Variants in RB1 observed in about 807,000 individuals in gnomAD.
RB1 encodes retinoblastoma-associated protein.
RB1 carries 18 observed loss-of-function variants against 135.4 expected under a neutral mutation model. The observed-to-expected ratio is 0.13, with a 90% CI of 0.09 to 0.20. The LOEUF is 0.20. Among genes scored for constraint, RB1 ranks in the 10% least tolerant of loss-of-function variants. RB1 has a pLI of 1.00. For missense variants in RB1, 868 were observed against 1,110.0 expected, an observed-to-expected ratio of 0.78 and a Z score of 3.10; for synonymous variants, 365 against 373.2, an observed-to-expected ratio of 0.98 and a Z score of 0.25.
intron 17 of RB1, among the ~76,000 whole-genome samples, chr13:48,390,404 G>A (rs1948601738): frequency 6.6e-6 from 1 of 152,146 alleles, no homozygotes; most frequent in Admixed American, 6.5e-5. Context: ...GGGAGTGCAT[G>A]AGGATCCTGG....
intron 11 of RB1, among the ~76,000 whole-genome samples, chr13:48,371,264 G>T (rs1184806199): frequency 6.6e-6 from 1 of 152,144 alleles, no homozygotes; most frequent in Non-Finnish European, 1.5e-5. Context: ...TAGTCAGTGG[G>T]GGGATAGACT....
At chr13:48,369,383 G>A (rs1439926616) in intron 11 of RB1, among the ~76,000 whole-genome samples, 1 of 152,112 alleles carries the variant, frequency 6.6e-6, no homozygotes, top group African/African-American at 2.4e-5. Flanking sequence ...CCTACTACCT[G>A]ATCTTGCTCC....
At position 48,480,083 on chromosome 13, in the gene RB1, C is replaced by T; in HGVS notation, c.*12C>T. The T allele has an allele frequency of 6.3e-7, 1 of 1,597,894 alleles. No homozygotes were observed. The highest frequency in any genetic ancestry group is 8.6e-7 in the Non-Finnish European group (1 of 1,165,974). On this transcript the variant is annotated 3_prime_UTR_variant, in exon 27 of 27. Transcript: ENST00000267163. ...AGGAAGAGAAATGAGGATCTCAGGA[C>T]CTTGGTGGACACTGTGTACACCTCT... is the stretch of plus-strand genomic sequence containing the variant.
intron 12 of RB1, 102 bp downstream of exon 12, chr13:48,373,594 C>G: frequency 1.4e-6 from 1 of 738,546 alleles, no homozygotes; most frequent in East Asian, 2.5e-5. Flanking sequence ...AATCTCCTAT[C>G]TAACATGTAG....
chr13:48,371,266 G>T (rs1952755528), intron 11 of RB1, among the ~76,000 whole-genome samples: 1 of 152,060 alleles, frequency 6.6e-6, no homozygotes, highest in Non-Finnish European at 1.5e-5. Flanking sequence ...GTCAGTGGGG[G>T]GATAGACTGA....
At chr13:48,365,283 T>C (rs1952683622) in intron 9 of RB1, among the ~76,000 whole-genome samples, 1 of 152,218 alleles carries the variant, frequency 6.6e-6, no homozygotes. Context: ...AATAGCTAAA[T>C]ATAAACCATT....
chr13:48,363,455 A>C lies in RB1; in HGVS notation c.861+498A>C, dbSNP rs562169963. On this transcript the variant is annotated intron_variant, in intron 8 of 26. Coordinates refer to ENST00000267163, the MANE Select transcript of RB1 (RefSeq NM_000321.3). Reference sequence around the variant, plus strand: ...GCCTGTAGTCCCAGCTACTTGGAAGACTGAGGCAAAAGGATTGCTTGAGCC... The same window carrying C: ...GCCTGTAGTCCCAGCTACTTGGAAGCCTGAGGCAAAAGGATTGCTTGAGCC... 2.6e-5 allele frequency among the ~76,000 whole-genome samples: 4 copies of C among 152,244 alleles called. No individual in the cohort carries two copies. In the South Asian group the frequency reaches 8.3e-4, roughly 32 times the overall value.
intron 17 of RB1, among the ~76,000 whole-genome samples, chr13:48,413,850 C>T (rs1178588525): frequency 1.3e-5 from 2 of 151,988 alleles, no homozygotes; most frequent in South Asian, 2.1e-4. Flanking sequence ...ATTTTTTTAA[C>T]CTTAAATTGA....
chr13:48,460,045 C>T (rs1949395365), intron 20 of RB1, among the ~76,000 whole-genome samples: 1 of 150,304 alleles, frequency 6.7e-6, no homozygotes, highest in African/African-American at 2.5e-5. Flanking sequence ...TCTCGGCTCA[C>T]TGCAACCTCC....
At chr13:48,308,879 C>A (rs2854356) in intron 2 of RB1, among the ~76,000 whole-genome samples, 141,638 of 152,178 alleles carry the variant, frequency 0.93, 66,376 homozygotes, top group East Asian at 1. Flanking sequence ...GTATAGTTAC[C>A]TGTAGTTACA....
At chr13:48,416,819 G>A (rs1346111703) in intron 17 of RB1, among the ~76,000 whole-genome samples, 1 of 152,174 alleles carries the variant, frequency 6.6e-6, no homozygotes, top group African/African-American at 2.4e-5. Context: ...AAAGCCACCG[G>A]GAAGTTTGAA....
chr13:48,319,815 G>A lies in RB1; in HGVS notation c.264+12409G>A. 3.2e-6 allele frequency: 1 copy of A among 309,852 alleles called. No homozygotes were observed. The highest frequency in any genetic ancestry group is 4.1e-5 in the South Asian group (1 of 24,352). 19.2% of individuals were successfully genotyped at this position (309,852 alleles called of 1,614,324 possible). ...GAAGCTGTTCTATTTCCGCCTTAAT[G>A]CTCTGCTCGAAGGAGTCGTTGCTGC... On this transcript the variant is annotated intron_variant, in intron 2 of 26. Coordinates refer to ENST00000267163, the MANE Select transcript of RB1 (RefSeq NM_000321.3). This position sits in a 1 kb window ranked among gnomAD's most constrained non-coding sequence, Gnocchi z 5.0.
intron 2 of RB1, among the ~76,000 whole-genome samples, chr13:48,322,715 GT>G (rs1952251886): frequency 6.6e-6 from 1 of 152,110 alleles, no homozygotes. Context: ...AGGGTGTTGA[GT>G]GTTTTGTTAT....
chr13:48,353,601 G>GT (rs1448752917), intron 6 of RB1, among the ~76,000 whole-genome samples: 1 of 151,952 alleles, frequency 6.6e-6, no homozygotes, highest in African/African-American at 2.4e-5. Context: ...TACAAGGCCT[G>GT]TATTACCCTG....
At chr13:48,471,882 C>G (rs1949473174) in intron 23 of RB1, among the ~76,000 whole-genome samples, 1 of 152,136 alleles carries the variant, frequency 6.6e-6, no homozygotes, top group African/African-American at 2.4e-5. Context: ...ATCCCTAATC[C>G]TGCTGGCGGC....
At chr13:48,357,254 T>G (rs1952600369) in intron 6 of RB1, among the ~76,000 whole-genome samples, 2 of 151,952 alleles carry the variant, frequency 1.3e-5, no homozygotes, top group Admixed American at 1.3e-4. Context: ...TTCTCCCTAT[T>G]TATTGTCTTC....
chr13:48,332,335 A>G (rs1394304236), intron 2 of RB1, among the ~76,000 whole-genome samples: 11 of 152,228 alleles, frequency 7.2e-5, no homozygotes, highest in Admixed American at 7.2e-4. Context: ...TTTGGAGACC[A>G]AGATAGGAGG....
intron 17 of RB1, chr13:48,413,149 T>C (rs1948847148): frequency 6.0e-6 from 1 of 167,290 alleles, no homozygotes; most frequent in Non-Finnish European, 1.5e-5. Context: ...ATTTGTAATA[T>C]GACATCACAG....
chr13:48,322,118 A>T (rs777584137), intron 2 of RB1, among the ~76,000 whole-genome samples: 1 of 152,150 alleles, frequency 6.6e-6, no homozygotes, highest in Non-Finnish European at 1.5e-5. Flanking sequence ...GACACCCCCT[A>T]TTTTTTAGAT....
Sources: gnomAD v4.1 joint callset for allele counts (sites outside exome capture counted in the v4.1 genomes callset) on GRCh38, gnomAD v4.1.1 for gene constraint, Gnocchi (gnomAD v3.1) non-coding constraint, MANE v1.5 for transcripts, NCBI Gene and HGNC (gene_info 2026-07-23, HGNC 2026-07-21) for gene names.